Variants in GNB4 observed in about 807,000 individuals in gnomAD.
GNB4 encodes the protein guanine nucleotide-binding protein subunit beta-4.
In GNB4, 28 loss-of-function variants were observed where a neutral mutation model predicts 45.2. The observed-to-expected ratio is 0.62, with a 90% CI of 0.46 to 0.85. GNB4 has a LOEUF of 0.85. GNB4 is among the 40% of genes least tolerant of loss of function. The probability of loss-of-function intolerance (pLI) is 0.00; values close to 1 mark genes in which losing one functional copy is unlikely to be tolerated. For missense variants in GNB4, 321 were observed against 425.4 expected (o/e 0.75, Z 2.16); for synonymous variants, 132 against 143.7 (o/e 0.92, Z 0.58).
At chr3:179,459,630 C>G in the GNB4 span, among the ~76,000 whole-genome samples, 1 of 150,908 alleles carries the variant, frequency 6.6e-6, no homozygotes, top group Non-Finnish European at 1.5e-5. Flanking sequence ...TGCGGTGAGC[C>G]GAGATCGTGC....
chr3:179,471,517 C>G, the GNB4 span, among the ~76,000 whole-genome samples: 1 of 152,198 alleles, frequency 6.6e-6, no homozygotes, highest in East Asian at 1.9e-4. Context: ...CAGTGCCATG[C>G]AGTATAGGCT....
At chr3:179,496,395 T>A in the GNB4 span, among the ~76,000 whole-genome samples, 1 of 150,734 alleles carries the variant, frequency 6.6e-6, no homozygotes, top group African/African-American at 2.4e-5. Flanking sequence ...AAACAACCAA[T>A]CAAATCACAA....
the GNB4 span, among the ~76,000 whole-genome samples, chr3:179,518,146 A>C: frequency 3.9e-5 from 6 of 152,212 alleles, no homozygotes; most frequent in South Asian, 1.2e-3. Context: ...TCAGAAACTT[A>C]AAACCTCTTT....
chr3:179,456,236 C>T (rs1488147459), upstream of GNB4, among the ~76,000 whole-genome samples: 1 of 151,422 alleles, frequency 6.6e-6, no homozygotes, highest in East Asian at 2.0e-4. Flanking sequence ...GGATTATAGG[C>T]ATGTGCCACC....
the GNB4 span, among the ~76,000 whole-genome samples, chr3:179,459,400 C>T: frequency 7.9e-5 from 12 of 152,118 alleles, no homozygotes; most frequent in East Asian, 1.4e-3. Context: ...GCCTACCTTC[C>T]GGCCGGGCGC....
chr3:179,472,180 A>T, the GNB4 span, among the ~76,000 whole-genome samples: 1 of 152,114 alleles, frequency 6.6e-6, no homozygotes, highest in Non-Finnish European at 1.5e-5. Flanking sequence ...TGCCAATTTT[A>T]TACAAAAACA....
chr3:179,424,586 T>C (rs913337800), intron 2 of GNB4, among the ~76,000 whole-genome samples: 1 of 152,200 alleles, frequency 6.6e-6, no homozygotes, highest in African/African-American at 2.4e-5. Context: ...TCTTTTCTTC[T>C]CTTTTCTTGT....
the GNB4 span, among the ~76,000 whole-genome samples, chr3:179,462,164 G>A: frequency 7.0e-6 from 1 of 142,166 alleles, no homozygotes. Context: ...GTATGTCTGT[G>A]TGTGTGCACA....
chr3:179,468,785 G>A, the GNB4 span, among the ~76,000 whole-genome samples: 4 of 152,098 alleles, frequency 2.6e-5, no homozygotes, highest in South Asian at 2.1e-4. Flanking sequence ...GCTGTCTCTC[G>A]TGGGAAAAAA....
chr3:179,464,296 T>TA, the GNB4 span: 1 of 565,870 alleles, frequency 1.8e-6, no homozygotes, highest in East Asian at 3.2e-5. Context: ...CCATCTCTAC[T>TA]AAAAATTAAA....
chr3:179,488,971 G>A, the GNB4 span, among the ~76,000 whole-genome samples: 1 of 98,008 alleles, frequency 1.0e-5, no homozygotes, highest in African/African-American at 3.9e-5. Context: ...GTGACACAGT[G>A]AGATCCTGTA....
chr3:179,426,225 GC>G lies in GNB4; in HGVS notation c.-26del. 1 of 1,558,176 alleles carries G rather than the reference GC, an allele frequency of 6.4e-7. No homozygotes were observed. Among genetic ancestry groups the G allele is most frequent in the African/African-American group, 1.4e-5 (1 of 72,228 alleles). On this transcript the variant is annotated 5_prime_UTR_variant, in exon 2 of 10. Coordinates refer to ENST00000232564, the MANE Select transcript of GNB4 (RefSeq NM_021629.4). ...TTTTTTCAATTTGTTTACCTCAGGA[GC>G]TAATGAGTGAAAACAGCTGTTAAAA...
chr3:179,415,015 C>T lies in GNB4; in HGVS notation c.300G>A (p.Val100=), dbSNP rs377074193. The T allele has an allele frequency of 3.1e-6, 5 of 1,608,810 alleles. No individual in the cohort carries two copies. Among genetic ancestry groups the T allele is most frequent in the Non-Finnish European group, 4.3e-6 (5 of 1,176,468 alleles). The change falls in exon 6 of 10, where the codon GTG becomes GTA. Residue 100 remains valine (V), a synonymous_variant. Transcript: ENST00000232564. ...MHAIPLRSSW[V]MTCAYAPSGN... is the part of the protein sequence containing the mutation. ...CAGAGGGAGCATAAGCACAGGTCATCACCCAGGAGGACCTCAAAGGAATAG... is the reference window on the plus strand; with the variant it reads ...CAGAGGGAGCATAAGCACAGGTCATTACCCAGGAGGACCTCAAAGGAATAG...
At chr3:179,506,114 A>T in the GNB4 span, among the ~76,000 whole-genome samples, 1 of 152,204 alleles carries the variant, frequency 6.6e-6, no homozygotes, top group Non-Finnish European at 1.5e-5. Flanking sequence ...AGGCCGAGGC[A>T]GGAGGATCGC....
chr3:179,413,869 T>C lies in GNB4; in HGVS notation c.431-88A>G, dbSNP rs571726944. On this transcript the variant is annotated intron_variant, in intron 6 of 9. Coordinates refer to ENST00000232564, the MANE Select transcript of GNB4 (RefSeq NM_021629.4). ...AAATAGCAATATATATTTTTAAAAA[T>C]AGAATACTTGGGCAACAAGTGTTTG... 8.0e-5 allele frequency: 75 copies of C among 932,438 alleles called. No homozygotes were observed. The African/African-American group carries it at 1.1e-3, about 13-fold the overall frequency. 57.8% of individuals were successfully genotyped at this position (932,438 alleles called of 1,614,324 possible).
the GNB4 span, among the ~76,000 whole-genome samples, chr3:179,512,919 C>G: frequency 6.6e-6 from 1 of 152,008 alleles, no homozygotes; most frequent in Non-Finnish European, 1.5e-5. Flanking sequence ...AAACGTGTTA[C>G]CATTTAGTCT....
chr3:179,475,496 C>G, the GNB4 span, among the ~76,000 whole-genome samples: 6 of 151,520 alleles, frequency 4.0e-5, no homozygotes, highest in Admixed American at 2.6e-4. Context: ...TTTTTTGAGA[C>G]AGAGTCTCAG....
At chr3:179,514,681 G>T in the GNB4 span, among the ~76,000 whole-genome samples, 3 of 152,178 alleles carry the variant, frequency 2.0e-5, no homozygotes, top group African/African-American at 7.2e-5. Context: ...ATTGGGCAAA[G>T]AAAAGCTTGT....
At chr3:179,402,810 A>G (rs1015274544) in intron 9 of GNB4, among the ~76,000 whole-genome samples, 1 of 152,208 alleles carries the variant, frequency 6.6e-6, no homozygotes, top group Non-Finnish European at 1.5e-5. Context: ...ATTGTGCTGG[A>G]AAGTGTTCAT....
Sources: gnomAD v4.1 joint callset for allele counts (sites outside exome capture counted in the v4.1 genomes callset) on GRCh38, gnomAD v4.1.1 for gene constraint, MANE v1.5 for transcripts, NCBI Gene and HGNC (gene_info 2026-07-23, HGNC 2026-07-21) for gene names.